KCNH5: variants seen among roughly 807,000 people sequenced by gnomAD.
KCNH5 encodes the protein voltage-gated delayed rectifier potassium channel KCNH5.
In KCNH5, 46 loss-of-function variants were observed where a neutral mutation model predicts 96.1. The ratio of observed to expected loss-of-function variants is 0.48; its 90% confidence interval spans 0.38 to 0.61. The LOEUF (loss-of-function observed/expected upper bound fraction) is 0.61, where lower values mean the gene tolerates loss of function less well. KCNH5 is among the 20% of genes least tolerant of loss of function. KCNH5 has a pLI of 0.00. For synonymous variants in KCNH5, 439 were observed against 449.8 expected (o/e 0.98, Z 0.30); for missense variants, 907 against 1,225.8 (o/e 0.74, Z 3.88).
At chr14:62,990,486 TA>T (rs143403969) in intron 4 of KCNH5, among the ~76,000 whole-genome samples, 18,765 of 152,066 alleles carry the variant, frequency 0.12, 1,613 homozygotes, top group Non-Finnish European at 0.19. Flanking sequence ...AAATCATTTT[TA>T]AACAGTAAAA....
chr14:62,793,352 G>T (rs2139990876), intron 9 of KCNH5, among the ~76,000 whole-genome samples: 1 of 151,906 alleles, frequency 6.6e-6, no homozygotes, highest in East Asian at 1.9e-4. Context: ...TTTAGGATGT[G>T]TCTATTACCT....
chr14:62,943,919 A>G (rs911231168), intron 7 of KCNH5, among the ~76,000 whole-genome samples: 1 of 152,188 alleles, frequency 6.6e-6, no homozygotes, highest in Non-Finnish European at 1.5e-5. Context: ...TGTTGGGCAA[A>G]TATAGGAACA....
intron 1 of KCNH5, among the ~76,000 whole-genome samples, chr14:63,027,465 C>T (rs2139619394): frequency 6.9e-6 from 1 of 145,040 alleles, no homozygotes; most frequent in Admixed American, 6.8e-5. Flanking sequence ...TTTTTAAAAA[C>T]TTCAAGTTGG....
intron 7 of KCNH5, among the ~76,000 whole-genome samples, chr14:62,918,344 A>G (rs547825533): frequency 1.3e-5 from 2 of 152,256 alleles, no homozygotes; most frequent in Admixed American, 6.5e-5. Context: ...GCAAGAAACC[A>G]TAAAAGAAAA....
Position 62,708,324 on chromosome 14 carries a change from C to T in KCNH5, c.2151G>A (p.Lys717=), listed in dbSNP as rs754591811. ...GTGTTGAGCCCTGATTCCGCAGCTC[C>T]TTCTGCTGCTTGAACTTCTGGAAGA... The part of the protein sequence containing the change: ...RKLFQKFKQQ[K]ELRNQGSTQG... The change falls in exon 11 of 11, where the codon AAG becomes AAA. Residue 717 remains lysine, a synonymous_variant. Coordinates refer to ENST00000322893, the MANE Select transcript of KCNH5 (RefSeq NM_139318.5). The T allele has an allele frequency of 6.8e-6, 11 of 1,614,048 alleles. No homozygotes were observed. In the East Asian group the frequency reaches 2.0e-4, roughly 29 times the overall value.
chr14:62,857,638 G>C (rs1233009795), intron 7 of KCNH5, among the ~76,000 whole-genome samples: 1 of 152,156 alleles, frequency 6.6e-6, no homozygotes, highest in Non-Finnish European at 1.5e-5. Context: ...AAAGATGCAG[G>C]CTGGGAGGCT....
intron 7 of KCNH5, among the ~76,000 whole-genome samples, chr14:62,926,697 C>T (rs1158256132): frequency 2.6e-5 from 4 of 152,110 alleles, no homozygotes; most frequent in African/African-American, 7.2e-5. Flanking sequence ...GTCTCTCCCT[C>T]TTCTTATGAG....
chr14:62,720,296 G>C (rs1884779587), intron 10 of KCNH5, among the ~76,000 whole-genome samples: 1 of 152,136 alleles, frequency 6.6e-6, no homozygotes, highest in African/African-American at 2.4e-5. Flanking sequence ...GAGGGGAGGG[G>C]AAGTCATGGG....
chr14:62,903,737 C>T (rs1490616218), intron 7 of KCNH5, among the ~76,000 whole-genome samples: 1 of 151,958 alleles, frequency 6.6e-6, no homozygotes, highest in African/African-American at 2.4e-5. Context: ...ATTCATATGG[C>T]CCAAGGAGAT....
chr14:63,026,013 G>A (rs902944906), intron 1 of KCNH5, among the ~76,000 whole-genome samples: 2 of 151,886 alleles, frequency 1.3e-5, no homozygotes, highest in Non-Finnish European at 2.9e-5. Flanking sequence ...CATAAAAATA[G>A]ACACAAAGAC....
chr14:63,016,733 G>T, intron 2 of KCNH5, 98 bp downstream of exon 2: 3 of 1,134,068 alleles, frequency 2.6e-6, no homozygotes, highest in Non-Finnish European at 3.7e-6. Context: ...TTAACTCTAT[G>T]GTTTGTATAT....
chr14:62,919,827 T>C (rs1396914632), intron 7 of KCNH5, among the ~76,000 whole-genome samples: 1 of 151,962 alleles, frequency 6.6e-6, no homozygotes, highest in Non-Finnish European at 1.5e-5. Flanking sequence ...CCCAGAGTAT[T>C]GACAGTCAAA....
chr14:62,914,707 T>C (rs1211988208), intron 7 of KCNH5, among the ~76,000 whole-genome samples: 2 of 152,348 alleles, frequency 1.3e-5, no homozygotes, highest in East Asian at 1.9e-4. Context: ...AGCAGACTCT[T>C]ACCAGACATC....
At chr14:62,771,501 T>G (rs1032917879) in intron 10 of KCNH5, among the ~76,000 whole-genome samples, 3 of 152,056 alleles carry the variant, frequency 2.0e-5, no homozygotes, top group Non-Finnish European at 4.4e-5. Context: ...GGCAGGCGCC[T>G]GTAGTCCCAG....
In KCNH5 at chr14:62,772,890, G is replaced by A. The variant is rs1025478036; in HGVS notation, c.2019+6838C>T. On this transcript the variant is annotated intron_variant, in intron 10 of 10. Coordinates refer to ENST00000322893, the MANE Select transcript of KCNH5 (RefSeq NM_139318.5). ...CAGATATGCTGTGGCCACACTAGACGTATTGGTTCATGCCCAGATTGAGAG... is the reference window on the plus strand; with the variant it reads ...CAGATATGCTGTGGCCACACTAGACATATTGGTTCATGCCCAGATTGAGAG... Among the ~76,000 whole-genome samples the A allele has an allele frequency of 7.2e-5, 11 of 152,124 alleles. No homozygotes were observed. In the East Asian group the frequency reaches 1.2e-3, roughly 16 times the overall value.
intron 10 of KCNH5, among the ~76,000 whole-genome samples, chr14:62,734,025 C>A (rs1259236634): frequency 6.6e-6 from 1 of 152,134 alleles, no homozygotes; most frequent in East Asian, 1.9e-4. Flanking sequence ...GTCAGCATAT[C>A]CAAGATAATT....
rs1443841319 is a variant in KCNH5 at position 63,001,522 on chromosome 14, G to T, written c.305-63C>A. On this transcript the variant is annotated intron_variant, in intron 3 of 10. Coordinates refer to ENST00000322893, the MANE Select transcript of KCNH5 (RefSeq NM_139318.5). ...GTGGCACGGCCACAGCAGTGGTTTGGTCTCCTGGCTTCCTTCTTCCTTCAG... is the reference window on the plus strand; with the variant it reads ...GTGGCACGGCCACAGCAGTGGTTTGTTCTCCTGGCTTCCTTCTTCCTTCAG... 4.0e-6 allele frequency: 6 copies of T among 1,484,474 alleles called. No individual in the cohort carries two copies. In the African/African-American group the frequency reaches 5.7e-5, roughly 14 times the overall value. The allele number at this position is 1,484,474 out of a possible 1,614,324, so 92.0% of individuals were successfully genotyped here.
chr14:62,842,884 C>T (rs1246545434), intron 8 of KCNH5, among the ~76,000 whole-genome samples: 2 of 152,122 alleles, frequency 1.3e-5, no homozygotes, highest in Non-Finnish European at 2.9e-5. Flanking sequence ...CCCTTAAATA[C>T]ATATATGTAA....
chr14:62,774,836 T>C (rs1424976671), intron 10 of KCNH5, among the ~76,000 whole-genome samples: 1 of 152,196 alleles, frequency 6.6e-6, no homozygotes, highest in Non-Finnish European at 1.5e-5. Flanking sequence ...CAGGTCCTTC[T>C]GCTCAATTCA....
Sources: gnomAD v4.1 joint callset for allele counts (sites outside exome capture counted in the v4.1 genomes callset) on GRCh38, gnomAD v4.1.1 for gene constraint, MANE v1.5 for transcripts, NCBI Gene and HGNC (gene_info 2026-07-23, HGNC 2026-07-21) for gene names.